Variants in ANKRD27 observed in about 807,000 individuals in gnomAD.
ANKRD27 encodes the protein ankyrin repeat domain 27.
A neutral mutation model predicts 129.7 loss-of-function variants in ANKRD27; 112 were observed. The observed-to-expected ratio is 0.86, with a 90% CI of 0.74 to 1.01. ANKRD27 has a LOEUF of 1.01. ANKRD27 is among the 50% of genes least tolerant of loss of function. The pLI, the probability that ANKRD27 is intolerant of heterozygous loss-of-function variation, is 0.00. For synonymous variants in ANKRD27, 516 were observed against 511.2 expected, an observed-to-expected ratio of 1.01 and a Z score of -0.13; for missense variants, 1,258 against 1,300.5, an observed-to-expected ratio of 0.97 and a Z score of 0.50.
chr19:32,599,896 A>G (rs1369492869), intron 27 of ANKRD27, 76 bp downstream of exon 27: 2 of 1,518,628 alleles, frequency 1.3e-6, no homozygotes, highest in Non-Finnish European at 1.8e-6. Flanking sequence ...AACCAATTAC[A>G]ATTGAAGCAG....
At chr19:32,617,014 T>A (rs1971930523) in intron 21 of ANKRD27, among the ~76,000 whole-genome samples, 1 of 152,126 alleles carries the variant, frequency 6.6e-6, no homozygotes, top group Admixed American at 6.6e-5. Context: ...CTTGGCAACG[T>A]CTCATCACAC....
chr19:32,629,431 G>A (rs929018109), intron 13 of ANKRD27, among the ~76,000 whole-genome samples: 5 of 152,292 alleles, frequency 3.3e-5, no homozygotes, highest in Non-Finnish European at 5.9e-5. Context: ...CTGGAGCGGT[G>A]GCTCACGCCT....
rs572402993 is a variant in ANKRD27 at position 32,644,582 on chromosome 19, C to G, written c.371-103G>C. ...GCCCTCTGGGGAGGAGGGCAAATGT[C>G]CTTATTTCAAGACACTACACAAGAA... is the stretch of plus-strand genomic sequence containing the variant. On this transcript the variant is annotated intron_variant, in intron 4 of 28. Transcript: ENST00000306065. The G allele has an allele frequency of 1.1e-4, 146 of 1,348,048 alleles. 1 individual carries two copies. In the South Asian group the frequency reaches 1.9e-3, roughly 17 times the overall value. 83.5% of individuals were successfully genotyped at this position (1,348,048 alleles called of 1,614,324 possible).
chr19:32,655,024 C>T (rs2903756), intron 2 of ANKRD27: 9,936 of 152,366 alleles, frequency 0.065, 567 homozygotes, highest in East Asian at 0.26. Context: ...TCAAATGATC[C>T]GCCTGCCTTG....
chr19:32,632,482 G>A (rs989388975), intron 12 of ANKRD27, among the ~76,000 whole-genome samples: 1 of 151,354 alleles, frequency 6.6e-6, no homozygotes, highest in Admixed American at 6.6e-5. Context: ...CTACTCAGGA[G>A]GCTGAGGCAG....
intron 17 of ANKRD27, among the ~76,000 whole-genome samples, chr19:32,623,986 G>A (rs1343064291): frequency 6.6e-6 from 1 of 152,178 alleles, no homozygotes; most frequent in Admixed American, 6.6e-5. Context: ...GCTGAGTTCT[G>A]TAAGTCCTCC....
intron 25 of ANKRD27, among the ~76,000 whole-genome samples, chr19:32,602,448 T>C (rs1432033002): frequency 6.6e-6 from 1 of 152,050 alleles, no homozygotes; most frequent in East Asian, 1.9e-4. Context: ...GGCCCCCATA[T>C]AGTAAGTACT....
chr19:32,656,572 A>C (rs774192741), intron 2 of ANKRD27, among the ~76,000 whole-genome samples: 21 of 151,962 alleles, frequency 1.4e-4, no homozygotes, highest in Non-Finnish European at 3.1e-4. Context: ...GGATCACTTG[A>C]GGCCAGGAGT....
At chr19:32,673,671 A>AC (rs970991104) in intron 1 of ANKRD27, among the ~76,000 whole-genome samples, 2 of 151,926 alleles carry the variant, frequency 1.3e-5, no homozygotes, top group East Asian at 1.9e-4. Flanking sequence ...GTGGCTGAGA[A>AC]CCCCCCTTCC....
At chr19:32,664,289 G>A (rs1359350011) in intron 1 of ANKRD27, among the ~76,000 whole-genome samples, 1 of 151,654 alleles carries the variant, frequency 6.6e-6, no homozygotes, top group Non-Finnish European at 1.5e-5. Context: ...AAGTAGCTGG[G>A]ACCACAGGTA....
chr19:32,615,712 G>A lies in ANKRD27; in HGVS notation c.2121C>T (p.Asp707=), dbSNP rs146025565. ...GGCACAACGGGTGACAGAATTCGGGGTCCGCTGCACTGACAGTGTCCTCCG... is the reference window on the plus strand; with the variant it reads ...GGCACAACGGGTGACAGAATTCGGGATCCGCTGCACTGACAGTGTCCTCCG... ...EDAEDTVSAA[D]PEFCHPLCQC... is the part of the protein sequence containing the mutation. Residue 707 remains aspartate, a synonymous_variant, in exon 22 of 29, where the codon GAC becomes GAT. Coordinates refer to ENST00000306065, the MANE Select transcript of ANKRD27 (RefSeq NM_032139.3). 96 of 1,614,060 alleles carry A rather than the reference G, an allele frequency of 5.9e-5. No individual in the cohort carries two copies. The highest frequency in any genetic ancestry group is 1.6e-4 in the Middle Eastern group (1 of 6,084).
chr19:32,627,420 A>T (rs1966909245), intron 15 of ANKRD27, among the ~76,000 whole-genome samples: 2 of 140,070 alleles, frequency 1.4e-5, no homozygotes, highest in Non-Finnish European at 3.1e-5. Flanking sequence ...ATTTTTTGAG[A>T]CAGAGTCTCA....
At chr19:32,666,608 C>A (rs1341513935) in intron 1 of ANKRD27, among the ~76,000 whole-genome samples, 1 of 148,148 alleles carries the variant, frequency 6.8e-6, no homozygotes, top group Non-Finnish European at 1.5e-5. Flanking sequence ...GGGGTGCCTA[C>A]AAAATGGGCA....
intron 22 of ANKRD27, among the ~76,000 whole-genome samples, chr19:32,610,020 A>C (rs116217359): frequency 1.3e-5 from 2 of 151,560 alleles, no homozygotes; most frequent in Non-Finnish European, 2.9e-5. Flanking sequence ...CTACAAAAAT[A>C]AAAAAAATAG....
At chr19:32,639,772 A>G (rs1967160718) in intron 11 of ANKRD27, among the ~76,000 whole-genome samples, 1 of 152,168 alleles carries the variant, frequency 6.6e-6, no homozygotes, top group Non-Finnish European at 1.5e-5. Context: ...AAGAATGGCA[A>G]TCAGCTTTCT....
At chr19:32,606,957 A>C (rs146089739) in intron 23 of ANKRD27, among the ~76,000 whole-genome samples, 3 of 98,204 alleles carry the variant, frequency 3.1e-5, no homozygotes, top group South Asian at 3.4e-4. Context: ...AAAAAAAAAA[A>C]AAAAAAAAAA....
At chr19:32,604,114 C>A (rs553210902) in intron 25 of ANKRD27, 149 bp downstream of exon 25, 5 of 790,830 alleles carry the variant, frequency 6.3e-6, no homozygotes, top group Non-Finnish European at 9.4e-6. Flanking sequence ...CATCTACCCA[C>A]GCTGTGGACT....
rs779612645 is a variant in ANKRD27 at position 32,604,369 on chromosome 19, G to A, written c.2549C>T (p.Ala850Val). Residue 850 changes from alanine to valine, a missense_variant, in exon 25 of 29, where the codon GCT (alanine) becomes GTT (valine). By Grantham distance (64) the Ala-to-Val change is moderately conservative. Coordinates refer to ENST00000306065, the MANE Select transcript of ANKRD27 (RefSeq NM_032139.3). Reference sequence around the variant, plus strand: ...CACGAAGACGTGCTTTTCAATCACAGCCTCGTGCAGCGCTGTGTTGCCCTT... The same window carrying A: ...CACGAAGACGTGCTTTTCAATCACAACCTCGTGCAGCGCTGTGTTGCCCTT... ...NNKGNTALHE[A>V]VIEKHVFVVE... 6.2e-7 allele frequency: 1 copy of A among 1,613,684 alleles called. No individual in the cohort carries two copies. Among genetic ancestry groups the A allele is most frequent in the Admixed American group, 1.7e-5 (1 of 60,006 alleles).
Position 32,643,268 on chromosome 19 carries a change from A to G in ANKRD27, c.705+19T>C, listed in dbSNP as rs1169473987. On this transcript the variant is annotated intron_variant, in intron 8 of 28. Transcript: ENST00000306065. ...CAGAAGAAGGCTTCCATCTTGGGTG[A>G]TAATAACTGAGAACCTACCTCACTT... The G allele has an allele frequency of 3.1e-6, 5 of 1,613,994 alleles. No homozygotes were observed. Among genetic ancestry groups the G allele is most frequent in the Non-Finnish European group, 4.2e-6 (5 of 1,180,024 alleles).
Sources: gnomAD v4.1 joint callset for allele counts (sites outside exome capture counted in the v4.1 genomes callset) on GRCh38, gnomAD v4.1.1 for gene constraint, MANE v1.5 for transcripts, NCBI Gene and HGNC (gene_info 2026-07-23, HGNC 2026-07-21) for gene names.